SLC1A7: variants seen among roughly 807,000 people sequenced by gnomAD.
SLC1A7 encodes excitatory amino acid transporter 5.
SLC1A7 carries 40 observed loss-of-function variants against 47.7 expected under a neutral mutation model. That is an observed-to-expected ratio of 0.84 (90% CI 0.65 to 1.09). The LOEUF is 1.09. SLC1A7 is among the 50% of genes least tolerant of loss of function. The probability of loss-of-function intolerance (pLI) is 0.00; values close to 1 mark genes in which losing one functional copy is unlikely to be tolerated. For synonymous variants in SLC1A7, 323 were observed against 325.6 expected, an observed-to-expected ratio of 0.99 and a Z score of 0.09; for missense variants, 746 against 769.5, an observed-to-expected ratio of 0.97 and a Z score of 0.36.
At chr1:53,099,774 C>G (rs771901347) in intron 5 of SLC1A7, among the ~76,000 whole-genome samples, 2 of 150,852 alleles carry the variant, frequency 1.3e-5, no homozygotes, top group Admixed American at 6.6e-5. Context: ...CACCCTGTCT[C>G]AGTACACACA....
In SLC1A7 at chr1:53,125,653, GA is replaced by G. The variant is rs777013374; in HGVS notation, c.215+8696del. Reference sequence around the variant, plus strand: ...CAGGACATGACTGAGGCTGCTTTAGGAACAATTATTGAGCACTTCGGGGGGA... The same window carrying G: ...CAGGACATGACTGAGGCTGCTTTAGGACAATTATTGAGCACTTCGGGGGGA... On this transcript the variant is annotated intron_variant, in intron 2 of 10. Transcript: ENST00000371494. Among the ~76,000 whole-genome samples the G allele has an allele frequency of 6.8e-4, 103 of 152,322 alleles. No individual in the cohort carries two copies. In the Middle Eastern group the frequency reaches 0.044, roughly 65 times the overall value.
chr1:53,113,780 C>T (rs1035104253), intron 3 of SLC1A7, among the ~76,000 whole-genome samples: 6 of 152,150 alleles, frequency 3.9e-5, no homozygotes, highest in Non-Finnish European at 8.8e-5. Context: ...CACTTTGAGG[C>T]CGGTCCCCAC....
intron 7 of SLC1A7, among the ~76,000 whole-genome samples, chr1:53,092,002 G>A (rs944802863): frequency 6.6e-6 from 1 of 152,192 alleles, no homozygotes; most frequent in Non-Finnish European, 1.5e-5. Context: ...GGAGGGGCTC[G>A]ACCTCCACTG....
chr1:53,118,772 T>C (rs544190358), intron 2 of SLC1A7, among the ~76,000 whole-genome samples: 5 of 152,226 alleles, frequency 3.3e-5, no homozygotes, highest in Non-Finnish European at 5.9e-5. Flanking sequence ...CTGAGACAGG[T>C]GGATCACCTG....
chr1:53,105,805 C>T, intron 3 of SLC1A7, 31 bp from the exon 4 acceptor site: 1 of 1,607,636 alleles, frequency 6.2e-7, no homozygotes, highest in Non-Finnish European at 8.5e-7. Context: ...TGAAAAATTC[C>T]AGAGCCCAGG....
chr1:53,100,068 ACT>A (rs982851036), intron 5 of SLC1A7, among the ~76,000 whole-genome samples: 1 of 150,930 alleles, frequency 6.6e-6, no homozygotes, highest in Non-Finnish European at 1.5e-5. Context: ...CTCTCTGTAC[ACT>A]CACACACCCC....
chr1:53,108,669 A>G (rs1455114038), intron 3 of SLC1A7: 3 of 717,314 alleles, frequency 4.2e-6, no homozygotes, highest in Non-Finnish European at 7.8e-6. Context: ...AGCTTGAGCA[A>G]CCTTCATGGA....
rs574487531 is a variant in SLC1A7, at chr1:53,123,745, A to G, written c.216-8772T>C. Among the ~76,000 whole-genome samples the G allele has an allele frequency of 2.6e-5, 4 of 152,284 alleles. No individual in the cohort carries two copies. The South Asian group carries it at 8.3e-4, about 32-fold the overall frequency. On this transcript the variant is annotated intron_variant, in intron 2 of 10. Coordinates refer to ENST00000371494, the MANE Select transcript of SLC1A7 (RefSeq NM_006671.6). ...TCTGTGGTGCAGGATAAAGCCTGGGAGCTTTTCGGAGTCACCAGGCTGGAG... is the reference window on the plus strand; with the variant it reads ...TCTGTGGTGCAGGATAAAGCCTGGGGGCTTTTCGGAGTCACCAGGCTGGAG...
chr1:53,119,277 G>A (rs1337791895), intron 2 of SLC1A7, among the ~76,000 whole-genome samples: 1 of 152,244 alleles, frequency 6.6e-6, no homozygotes, highest in Non-Finnish European at 1.5e-5. Flanking sequence ...CACTCCCACA[G>A]TGCCTGTCTG....
intron 1 of SLC1A7, among the ~76,000 whole-genome samples, chr1:53,139,241 T>C (rs1466834530): frequency 2.6e-5 from 4 of 152,198 alleles, no homozygotes; most frequent in African/African-American, 9.7e-5. Flanking sequence ...GAGTCTCCTT[T>C]ATAGCAGAAT....
rs1272274570 is a variant in SLC1A7, at chr1:53,092,620, T to C, written c.965A>G (p.Lys322Arg). ...LPLLYFFITK[K>R]NPIVFIRGIL... ...GCCACGGATGAAGACGATGGGATTC[T>C]TCTTGGTGATGAAGAAGTAGAGCAG... Residue 322 changes from lysine (K) to arginine (R), a missense_variant, in exon 7 of 11, where the codon AAG becomes AGG. Lys to Arg is a conservative substitution (Grantham distance 26, BLOSUM62 2). Transcript: ENST00000371494. 1.2e-6 allele frequency: 2 copies of C among 1,614,054 alleles called. No homozygotes were observed. Among genetic ancestry groups the C allele is most frequent in the Non-Finnish European group, 1.7e-6 (2 of 1,180,026 alleles).
chr1:53,124,289 C>A (rs949719752), intron 2 of SLC1A7, among the ~76,000 whole-genome samples: 51 of 145,778 alleles, frequency 3.5e-4, no homozygotes, highest in Non-Finnish European at 6.4e-4. Context: ...CACACACACA[C>A]AACACAGCTT....
intron 2 of SLC1A7, among the ~76,000 whole-genome samples, chr1:53,127,345 T>A (rs1679965): frequency 0.55 from 83,178 of 152,076 alleles, 23,271 homozygotes; most frequent in East Asian, 0.64. Flanking sequence ...CAGTCCTTAT[T>A]CAGAAGAAAG....
intron 1 of SLC1A7, among the ~76,000 whole-genome samples, chr1:53,141,710 T>C (rs1645058941): frequency 6.7e-6 from 1 of 149,978 alleles, no homozygotes; most frequent in Non-Finnish European, 1.5e-5. Flanking sequence ...CACTGCCGCA[T>C]CTCCCCCAGG....
rs1557663653 is a variant in SLC1A7, at chr1:53,088,153, CTT to C, written c.1537_1538del (p.Lys513GlufsTer26). The stretch of plus-strand genomic sequence containing the variant: ...TGAGCTCGGAGGCCTCGGCTACACT[CTT>C]CACACAGCCATTCTGCTGGGCTGCC... The part of the protein sequence containing the change: ...IVAAQQNGCV[K>X]SVAEASELTL... On this transcript the variant is annotated frameshift_variant, in exon 11 of 11. Coordinates refer to ENST00000371494, the MANE Select transcript of SLC1A7 (RefSeq NM_006671.6). LOFTEE classifies it high-confidence loss of function. The C allele has an allele frequency of 6.2e-7, 1 of 1,613,600 alleles. No individual in the cohort carries two copies. Among genetic ancestry groups the C allele is most frequent in the South Asian group, 1.1e-5 (1 of 90,966 alleles).
At chr1:53,111,487 G>C (rs1381585248) in intron 3 of SLC1A7, among the ~76,000 whole-genome samples, 1 of 152,206 alleles carries the variant, frequency 6.6e-6, no homozygotes, top group Non-Finnish European at 1.5e-5. Flanking sequence ...AGAGGAAGCG[G>C]AGGCCAGGCC....
intron 2 of SLC1A7, among the ~76,000 whole-genome samples, chr1:53,119,077 G>T (rs1358533177): frequency 4.5e-3 from 2 of 442 alleles, no homozygotes; most frequent in Non-Finnish European, 0.034. Context: ...TGCACTGCCT[G>T]CTTTTGGGTC....
chr1:53,099,539 A>C (rs1644547022), intron 5 of SLC1A7, among the ~76,000 whole-genome samples: 2 of 89,778 alleles, frequency 2.2e-5, no homozygotes, highest in South Asian at 3.9e-4. Context: ...CACACACCCC[A>C]CCACAATACC....
At position 53,101,317 on chromosome 1, in the gene SLC1A7, G is replaced by A. The variant is rs567849549; in HGVS notation, c.697+2029C>T. 4.4e-3 allele frequency among the ~76,000 whole-genome samples: 395 copies of A among 89,328 alleles called. 3 individuals are homozygous for A. Among genetic ancestry groups the A allele is most frequent in the Non-Finnish European group, 7.5e-3 (305 of 40,554 alleles). The allele number at this position is 89,328 out of a possible 152,430, so 58.6% of individuals were successfully genotyped here. ...TCGGTACACTCGCACACCCCACCTCGGTACACTCACACACCCCTCCTCGGT... is the reference window on the plus strand; with the variant it reads ...TCGGTACACTCGCACACCCCACCTCAGTACACTCACACACCCCTCCTCGGT... On this transcript the variant is annotated intron_variant, in intron 5 of 10. Coordinates refer to ENST00000371494, the MANE Select transcript of SLC1A7 (RefSeq NM_006671.6).
Sources: gnomAD v4.1 joint callset for allele counts (sites outside exome capture counted in the v4.1 genomes callset) on GRCh38, gnomAD v4.1.1 for gene constraint, MANE v1.5 for transcripts, NCBI Gene and HGNC (gene_info 2026-07-23, HGNC 2026-07-21) for gene names.